CDH4: variants seen among roughly 807,000 people sequenced by gnomAD.
CDH4 encodes the protein cadherin-4.
A neutral mutation model predicts 86.0 loss-of-function variants in CDH4; 33 were observed. The ratio of observed to expected loss-of-function variants is 0.38; its 90% CI spans 0.29 to 0.51. The LOEUF (loss-of-function observed/expected upper bound fraction) is 0.51. Among genes scored for constraint, CDH4 ranks in the 20% least tolerant of loss-of-function variants. CDH4 has a pLI of 0.86. For missense variants in CDH4, 1,114 were observed against 1,307.4 expected (o/e 0.85, Z 2.28); for synonymous variants, 555 against 549.4 (o/e 1.01, Z -0.14).
At chr20:61,828,316 C>T (rs1036205970) in intron 4 of CDH4, among the ~76,000 whole-genome samples, 1 of 152,174 alleles carries the variant, frequency 6.6e-6, no homozygotes, top group African/African-American at 2.4e-5. Flanking sequence ...TTGCCTCCCC[C>T]CATTACACAT....
chr20:61,419,054 C>T (rs1018034217), intron 2 of CDH4, among the ~76,000 whole-genome samples: 4 of 152,148 alleles, frequency 2.6e-5, no homozygotes, highest in African/African-American at 7.2e-5. Context: ...TTGCACACAC[C>T]GGGTCCAGGT....
At chr20:61,407,946 G>C (rs556128942) in intron 2 of CDH4, among the ~76,000 whole-genome samples, 19 of 152,310 alleles carry the variant, frequency 1.2e-4, no homozygotes, top group Admixed American at 5.2e-4. Context: ...CATAACAGAG[G>C]ACGACAATCT....
At chr20:61,415,040 G>A (rs1262450647) in intron 2 of CDH4, among the ~76,000 whole-genome samples, 1 of 152,240 alleles carries the variant, frequency 6.6e-6, no homozygotes, top group Non-Finnish European at 1.5e-5. Flanking sequence ...TCCGCTAGCT[G>A]GAAATTTCAG....
At chr20:61,755,463 C>T (rs565664770) in intron 3 of CDH4, among the ~76,000 whole-genome samples, 10 of 147,640 alleles carry the variant, frequency 6.8e-5, no homozygotes, top group African/African-American at 2.5e-4. Context: ...GTACACACCA[C>T]ACACACACCA....
chr20:61,331,638 C>CCTCCTGCCCCGGCCACCTG (rs1568801140), intron 2 of CDH4, among the ~76,000 whole-genome samples: 1 of 23,212 alleles, frequency 4.3e-5, no homozygotes, highest in Non-Finnish European at 9.9e-5. Context: ...CTGCCCCAGA[C>CCTCCTGCCCCGGCCACCTG]CCACCTCCCG....
intron 13 of CDH4, among the ~76,000 whole-genome samples, chr20:61,932,167 T>A: frequency 6.6e-6 from 1 of 152,080 alleles, no homozygotes; most frequent in Non-Finnish European, 1.5e-5. Context: ...CAAAGCCATC[T>A]CCCTCCTGCT....
intron 2 of CDH4, among the ~76,000 whole-genome samples, chr20:61,682,652 A>C (rs1473396604): frequency 6.6e-6 from 1 of 152,130 alleles, no homozygotes; most frequent in African/African-American, 2.4e-5. Flanking sequence ...AAACTCATTA[A>C]TGATAAAGCA....
At chr20:61,773,979 T>TC (rs1321616401) in intron 4 of CDH4, among the ~76,000 whole-genome samples, 1 of 151,964 alleles carries the variant, frequency 6.6e-6, no homozygotes, top group African/African-American at 2.4e-5. Context: ...CCAGGCAGGG[T>TC]CCCCCCAATT....
At chr20:61,596,919 T>G (rs78930253) in intron 2 of CDH4, among the ~76,000 whole-genome samples, 1 of 152,140 alleles carries the variant, frequency 6.6e-6, no homozygotes, top group African/African-American at 2.4e-5. Flanking sequence ...GTGAAACACA[T>G]TGACTCACAG....
intron 4 of CDH4, among the ~76,000 whole-genome samples, chr20:61,824,818 T>G (rs1310335575): frequency 6.6e-6 from 1 of 152,224 alleles, no homozygotes; most frequent in Non-Finnish European, 1.5e-5. Flanking sequence ...TACCGGGCCA[T>G]GTGCCTTGTA....
intron 6 of CDH4, among the ~76,000 whole-genome samples, chr20:61,866,746 T>G (rs1264676999): frequency 6.6e-6 from 1 of 152,190 alleles, no homozygotes; most frequent in African/African-American, 2.4e-5. Flanking sequence ...GTGCTAGTTA[T>G]CATGAGTGTG....
chr20:61,603,879 C>T (rs2086622097), intron 2 of CDH4, among the ~76,000 whole-genome samples: 2 of 152,180 alleles, frequency 1.3e-5, no homozygotes, highest in Admixed American at 1.3e-4. Flanking sequence ...GCATCAGGGA[C>T]ATAGTAAGCC....
intron 7 of CDH4, among the ~76,000 whole-genome samples, chr20:61,885,910 G>T (rs1042831652): frequency 6.6e-6 from 1 of 152,236 alleles, no homozygotes; most frequent in Non-Finnish European, 1.5e-5. Context: ...CCCTTGGGGA[G>T]TGTGTGGTCC....
In CDH4 at chr20:61,651,199, C is replaced by T. The variant is rs188488672; in HGVS notation, c.170-92364C>T. ...GCACTGGTGTGCTTGTGTGAGTTAG[C>T]GTCATGCTTGGCCGTGCACTGGTGT... On this transcript the variant is annotated intron_variant, in intron 2 of 15. Transcript: ENST00000614565. Among the ~76,000 whole-genome samples the T allele has an allele frequency of 2.4e-3, 372 of 152,200 alleles. 1 individual carries two copies. Among genetic ancestry groups the T allele is most frequent in the Middle Eastern group, 6.8e-3 (2 of 294 alleles).
chr20:61,434,045 G>T (rs1450142398), intron 2 of CDH4, among the ~76,000 whole-genome samples: 5 of 152,146 alleles, frequency 3.3e-5, no homozygotes, highest in African/African-American at 1.2e-4. Flanking sequence ...AAAGGGCCAG[G>T]CGTTACCCTC....
At chr20:61,690,263 TGTG>T (rs1225481710) in intron 2 of CDH4, among the ~76,000 whole-genome samples, 1 of 151,872 alleles carries the variant, frequency 6.6e-6, no homozygotes, top group African/African-American at 2.4e-5. Flanking sequence ...GGTGAGATGG[TGTG>T]GTCATCAGGC....
intron 15 of CDH4, 25 bp downstream of exon 15, chr20:61,934,245 G>T (rs760401886): frequency 2.0e-6 from 3 of 1,510,888 alleles, no homozygotes; most frequent in Non-Finnish European, 2.7e-6. Flanking sequence ...GCAGTGGGGG[G>T]CCCGGGCAAG....
intron 6 of CDH4, among the ~76,000 whole-genome samples, chr20:61,856,500 G>A (rs563193858): frequency 2.1e-5 from 3 of 143,004 alleles, no homozygotes; most frequent in South Asian, 4.5e-4. Flanking sequence ...CAGGATCCAC[G>A]AGGGCCCTGC....
chr20:61,635,653 A>G (rs732832), intron 2 of CDH4, among the ~76,000 whole-genome samples: 79,367 of 152,032 alleles, frequency 0.52, 20,891 homozygotes, highest in East Asian at 0.72. Flanking sequence ...ACCACCAGAG[A>G]GGGCATCCCA....
Sources: gnomAD v4.1 joint callset for allele counts (sites outside exome capture counted in the v4.1 genomes callset) on GRCh38, gnomAD v4.1.1 for gene constraint, MANE v1.5 for transcripts, NCBI Gene and HGNC (gene_info 2026-07-23, HGNC 2026-07-21) for gene names.